The following CACNB4 variants were observed in gnomAD, a reference collection of about 807,000 sequenced individuals.
CACNB4 encodes calcium voltage-gated channel auxiliary subunit beta 4, also known as voltage-dependent L-type calcium channel subunit beta-4.
Under a neutral mutation model 71.2 loss-of-function variants are expected in CACNB4, and 32 were observed. The ratio of observed to expected loss-of-function variants is 0.45; its 90% CI spans 0.34 to 0.60. The LOEUF (loss-of-function observed/expected upper bound fraction) is 0.60. CACNB4 is among the 20% of genes least tolerant of loss of function. CACNB4 has a pLI of 0.01. For synonymous variants in CACNB4, 231 were observed against 236.9 expected, an observed-to-expected ratio of 0.97 and a Z score of 0.23; for missense variants, 464 against 647.9, an observed-to-expected ratio of 0.72 and a Z score of 3.08.
chr2:151,914,737 C>T (rs926059919), intron 2 of CACNB4, among the ~76,000 whole-genome samples: 6 of 152,184 alleles, frequency 3.9e-5, no homozygotes, highest in Non-Finnish European at 7.3e-5. Context: ...GGTCCCTCTT[C>T]TGCAGGGCTG....
At chr2:151,868,186 AG>A (rs1161303320) in intron 9 of CACNB4, 1 of 152,168 alleles carries the variant, frequency 6.6e-6, no homozygotes, top group African/African-American at 2.4e-5. Context: ...ATCTATCTGA[AG>A]TTTTTTTACA....
rs141994087 is a variant in CACNB4, at chr2:152,092,358, G to A, written c.147+5972C>T. Among the ~76,000 whole-genome samples the A allele has an allele frequency of 6.6e-5, 10 of 152,264 alleles. No individual in the cohort carries two copies. The East Asian group carries it at 1.7e-3, about 26-fold the overall frequency. On this transcript the variant is annotated intron_variant, in intron 2 of 13. Transcript: ENST00000539935. ...CATCAGAGAAACATATCTATAACTG[G>A]TGCTCAAATTATAACCCCAAGAATT... is the stretch of plus-strand genomic sequence containing the variant.
At chr2:152,012,965 T>C (rs1002595728) in intron 2 of CACNB4, among the ~76,000 whole-genome samples, 3 of 152,190 alleles carry the variant, frequency 2.0e-5, no homozygotes, top group African/African-American at 7.2e-5. Flanking sequence ...CCTAGACAAG[T>C]GTACCATTTT....
At position 152,018,806 on chromosome 2, in the gene CACNB4, AACACACACACAC is replaced by A. The variant is rs10600477; in HGVS notation, c.147+79512_147+79523del. On this transcript the variant is annotated intron_variant, in intron 2 of 13. Coordinates refer to ENST00000539935, the MANE Select transcript of CACNB4 (RefSeq NM_000726.5). The stretch of plus-strand genomic sequence containing the variant: ...GCAACATAGTAAGACCCTGTCTCAA[AACACACACACAC>A]ACACACACACACACACACACAGACA... 6.1e-5 allele frequency among the ~76,000 whole-genome samples: 9 copies of A among 146,682 alleles called. No individual in the cohort carries two copies. In the East Asian group the frequency reaches 1.4e-3, roughly 23 times the overall value.
intron 2 of CACNB4, among the ~76,000 whole-genome samples, chr2:152,076,159 T>C (rs1401855655): frequency 6.9e-6 from 1 of 144,028 alleles, no homozygotes; most frequent in East Asian, 2.0e-4. Context: ...TTTTTTTTTT[T>C]TGAGACAGAG....
At chr2:152,001,462 G>C (rs1453490316) in intron 2 of CACNB4, among the ~76,000 whole-genome samples, 1 of 147,484 alleles carries the variant, frequency 6.8e-6, no homozygotes, top group Admixed American at 6.9e-5. Context: ...GCCAAGACAG[G>C]TGGATCACCT....
At position 151,836,297 on chromosome 2, in the gene CACNB4, T is replaced by G. The variant is rs780524519; in HGVS notation, c.*2822A>C. ...GTAAAAGACTTGTTTCTCTTGCTTA[T>G]AATCATTTGCTATCTTTAAATGAAA... On this transcript the variant is annotated 3_prime_UTR_variant, in exon 14 of 14. Coordinates refer to ENST00000539935, the MANE Select transcript of CACNB4 (RefSeq NM_000726.5). 6.6e-6 allele frequency: 1 copy of G among 151,930 alleles called. No individual in the cohort carries two copies. Among genetic ancestry groups the G allele is most frequent in the Non-Finnish European group, 1.5e-5 (1 of 67,800 alleles). 9.4% of individuals were successfully genotyped at this position (151,930 alleles called of 1,614,324 possible).
chr2:151,858,427 G>C (rs188723233), intron 10 of CACNB4: 1 of 152,146 alleles, frequency 6.6e-6, no homozygotes, highest in African/African-American at 2.4e-5. Flanking sequence ...TGGGAAGAAG[G>C]GGGTTTTGTG....
At chr2:151,907,766 C>T (rs548807012) in intron 2 of CACNB4, among the ~76,000 whole-genome samples, 3 of 152,254 alleles carry the variant, frequency 2.0e-5, no homozygotes, top group South Asian at 4.1e-4. Context: ...ATGGATAGGC[C>T]GGCCCTCCTT....
intron 2 of CACNB4, among the ~76,000 whole-genome samples, chr2:152,071,708 A>G (rs1168707552): frequency 6.6e-6 from 1 of 152,258 alleles, no homozygotes; most frequent in African/African-American, 2.4e-5. Context: ...AATTAGAATT[A>G]TGCAATGTAA....
chr2:151,892,109 C>T (rs2099850857), intron 2 of CACNB4, among the ~76,000 whole-genome samples: 2 of 152,138 alleles, frequency 1.3e-5, no homozygotes, highest in African/African-American at 4.8e-5. Flanking sequence ...GAATATGCTG[C>T]TGGTAGAAGC....
At position 151,837,617 on chromosome 2, in the gene CACNB4, GTTT is replaced by G. The variant is rs886054963; in HGVS notation, c.*1499_*1501del. On this transcript the variant is annotated 3_prime_UTR_variant, in exon 14 of 14. Transcript: ENST00000539935. Reference sequence around the variant, plus strand: ...ATGCACTATGGACATTTAGAAATAAGTTTTTTTTTTTAAAGACATTTGTGTAAA... The same window carrying G: ...ATGCACTATGGACATTTAGAAATAAGTTTTTTTTAAAGACATTTGTGTAAA... 1 of 147,542 alleles carries G rather than the reference GTTT, an allele frequency of 6.8e-6. No individual in the cohort carries two copies. Among genetic ancestry groups the G allele is most frequent in the African/African-American group, 2.5e-5 (1 of 40,426 alleles). 9.1% of individuals were successfully genotyped at this position (147,542 alleles called of 1,614,324 possible).
chr2:151,920,554 C>T (rs551596095), intron 2 of CACNB4, among the ~76,000 whole-genome samples: 2 of 152,014 alleles, frequency 1.3e-5, no homozygotes, highest in South Asian at 2.1e-4. Context: ...CCTGGCTAGT[C>T]CTGGCCTCAA....
In CACNB4 at chr2:151,909,529, T is replaced by C. The variant is rs147436550; in HGVS notation, c.148-26159A>G. Among the ~76,000 whole-genome samples the C allele has an allele frequency of 4.0e-3, 612 of 151,958 alleles. 4 individuals carry two copies. Among genetic ancestry groups the C allele is most frequent in the African/African-American group, 0.014 (574 of 41,456 alleles). ...ACAGGTATATGTGTGCCATGGTGGT[T>C]TGCTGCACCTACTGACCCACCCTCT... On this transcript the variant is annotated intron_variant, in intron 2 of 13. Coordinates refer to ENST00000539935, the MANE Select transcript of CACNB4 (RefSeq NM_000726.5).
intron 2 of CACNB4, among the ~76,000 whole-genome samples, chr2:151,895,094 C>CT (rs2099851671): frequency 2.3e-5 from 3 of 132,742 alleles, no homozygotes; most frequent in African/African-American, 9.5e-5. Flanking sequence ...ACTCAAATAG[C>CT]CCCACACACA....
rs1194078831 is a variant in CACNB4, at chr2:151,973,227, A to G, written c.148-89857T>C. 4.4e-5 allele frequency: 7 copies of G among 157,478 alleles called. No individual in the cohort carries two copies. In the East Asian group the frequency reaches 7.4e-4, roughly 17 times the overall value. 9.8% of individuals were successfully genotyped at this position (157,478 alleles called of 1,614,324 possible). On this transcript the variant is annotated intron_variant, in intron 2 of 13. Transcript: ENST00000539935. ...CACTGCTTGTTTGGCCAGAAAGCACATAATAATACAGCCACAGCTTAGGAA... is the reference window on the plus strand; with the variant it reads ...CACTGCTTGTTTGGCCAGAAAGCACGTAATAATACAGCCACAGCTTAGGAA...
At chr2:151,839,638 G>A (rs1253103746) in intron 13 of CACNB4, among the ~76,000 whole-genome samples, 3 of 152,146 alleles carry the variant, frequency 2.0e-5, no homozygotes, top group Admixed American at 6.5e-5. Flanking sequence ...TACAAATGTA[G>A]AATTGAAAGC....
chr2:151,986,502 A>G (rs924256464), intron 2 of CACNB4, among the ~76,000 whole-genome samples: 2 of 152,150 alleles, frequency 1.3e-5, no homozygotes, highest in African/African-American at 4.8e-5. Context: ...CCCATCTCTA[A>G]GACACCAATT....
At chr2:152,063,506 C>T (rs559428828) in intron 2 of CACNB4, among the ~76,000 whole-genome samples, 4 of 152,268 alleles carry the variant, frequency 2.6e-5, no homozygotes, top group East Asian at 3.9e-4. Context: ...TCACACTGCA[C>T]CAAGCCAGCT....
Sources: gnomAD v4.1 joint callset for allele counts (sites outside exome capture counted in the v4.1 genomes callset) on GRCh38, gnomAD v4.1.1 for gene constraint, MANE v1.5 for transcripts, NCBI Gene and HGNC (gene_info 2026-07-23, HGNC 2026-07-21) for gene names.